The following CNTN6 variants were observed in gnomAD, a reference collection of about 807,000 sequenced individuals.
CNTN6 encodes contactin 6, also known as contactin-6.
A neutral mutation model predicts 122.8 loss-of-function variants in CNTN6; 137 were observed. The ratio of observed to expected loss-of-function variants is 1.12; its 90% confidence interval spans 0.97 to 1.29. CNTN6 has a LOEUF of 1.29. CNTN6 is among the 50% of genes most tolerant of loss of function. The pLI, the probability that CNTN6 is intolerant of heterozygous loss-of-function variation, is 0.00. For missense variants in CNTN6, 1,634 were observed against 1,223.4 expected (o/e 1.34, Z -5.01); for synonymous variants, 570 against 426.0 (o/e 1.34, Z -4.16).
chr3:1,316,082 CAT>C (rs1315970099), intron 7 of CNTN6, among the ~76,000 whole-genome samples: 2 of 152,030 alleles, frequency 1.3e-5, no homozygotes, highest in African/African-American at 2.4e-5. Context: ...AACACTCAAA[CAT>C]ATTGTTTAAT....
intron 4 of CNTN6, among the ~76,000 whole-genome samples, chr3:1,260,651 C>T (rs1428565525): frequency 5.3e-5 from 8 of 152,036 alleles, no homozygotes; most frequent in Admixed American, 5.3e-4. Context: ...TAATCTCCAC[C>T]TGTTGGGGGA....
intron 2 of CNTN6, among the ~76,000 whole-genome samples, chr3:1,164,984 AGGGTATT>A (rs2125263472): frequency 6.6e-6 from 1 of 152,242 alleles, no homozygotes; most frequent in South Asian, 2.1e-4. Context: ...CATGCATTGG[AGGGTATT>A]GGGCTGTAAT....
At chr3:1,165,276 T>C (rs552275719) in intron 2 of CNTN6, among the ~76,000 whole-genome samples, 1 of 152,290 alleles carries the variant, frequency 6.6e-6, no homozygotes, top group African/African-American at 2.4e-5. Context: ...TCATCTAGGC[T>C]GTTGCGGAAG....
At chr3:1,146,277 C>A (rs1412055559) in intron 1 of CNTN6, among the ~76,000 whole-genome samples, 1 of 152,128 alleles carries the variant, frequency 6.6e-6, no homozygotes, top group East Asian at 1.9e-4. Context: ...CCAACCTTGT[C>A]TCATGCCGCA....
chr3:1,127,858 T>TTG (rs746840607), intron 1 of CNTN6, among the ~76,000 whole-genome samples: 235 of 152,028 alleles, frequency 1.5e-3, no homozygotes, highest in Non-Finnish European at 2.5e-3. Flanking sequence ...CTTTTCAATT[T>TTG]TGTGTGTGTG....
chr3:1,219,777 A>AAG, intron 2 of CNTN6, among the ~76,000 whole-genome samples: 1 of 152,292 alleles, frequency 6.6e-6, no homozygotes, highest in South Asian at 2.1e-4. Context: ...GCACATTGGG[A>AAG]GGCTGAGGTG....
intron 12 of CNTN6, among the ~76,000 whole-genome samples, chr3:1,357,708 A>G (rs1042782030): frequency 2.0e-5 from 3 of 151,940 alleles, no homozygotes; most frequent in Non-Finnish European, 2.9e-5. Context: ...GTATAGTAAC[A>G]TGCAGATATT....
chr3:1,252,171 A>G (rs1245741457), intron 4 of CNTN6, among the ~76,000 whole-genome samples: 2 of 152,158 alleles, frequency 1.3e-5, no homozygotes, highest in African/African-American at 4.8e-5. Context: ...AACATTGCCT[A>G]GCTTGCCTTT....
At chr3:1,266,670 C>A (rs2094930732) in intron 4 of CNTN6, among the ~76,000 whole-genome samples, 1 of 152,142 alleles carries the variant, frequency 6.6e-6, no homozygotes, top group Admixed American at 6.5e-5. Context: ...TATGAAGGAC[C>A]ATAGCAGGTA....
At chr3:1,107,403 A>C (rs888623328) in intron 1 of CNTN6, among the ~76,000 whole-genome samples, 2 of 152,146 alleles carry the variant, frequency 1.3e-5, no homozygotes, top group Non-Finnish European at 2.9e-5. Flanking sequence ...CTGAATATTT[A>C]TTCATGGCAA....
intron 10 of CNTN6, among the ~76,000 whole-genome samples, chr3:1,329,270 A>T (rs570198686): frequency 6.6e-6 from 1 of 151,358 alleles, no homozygotes; most frequent in East Asian, 2.0e-4. Context: ...TGTGTTTCTG[A>T]TTTATCATAT....
chr3:1,354,828 A>T (rs1706289583), intron 12 of CNTN6, among the ~76,000 whole-genome samples: 1 of 151,590 alleles, frequency 6.6e-6, no homozygotes, highest in South Asian at 2.1e-4. Flanking sequence ...CATCAAAGAA[A>T]AAAACCAACC....
intron 1 of CNTN6, among the ~76,000 whole-genome samples, chr3:1,102,722 C>T (rs979339650): frequency 1.1e-4 from 17 of 149,584 alleles, no homozygotes; most frequent in African/African-American, 2.2e-4. Context: ...GGCGAGACTC[C>T]GTCTCAAAAA....
In CNTN6 at chr3:1,148,060, G is replaced by A. The variant is rs1484866262; in HGVS notation, c.52G>A (p.Ala18Thr). The change falls in exon 2 of 23, where the codon GCA (alanine) becomes ACA (threonine). Residue 18 changes from alanine (A) to threonine (T), a missense_variant. Ala to Thr is a moderately conservative substitution (Grantham distance 58). Transcript: ENST00000446702. The part of the protein sequence containing the change: ...VILLPLINSS[A>T]GDGLLSRPIF... The stretch of plus-strand genomic sequence containing the variant: ...TCTGCTGCCACTCATAAACTCTTCT[G>A]CAGGTAAAGTGTTCTATTATTATAA... The A allele has an allele frequency of 3.7e-6, 6 of 1,606,178 alleles. No homozygotes were observed.
At chr3:1,319,719 ATAT>A (rs1447497371) in intron 7 of CNTN6, among the ~76,000 whole-genome samples, 1 of 151,572 alleles carries the variant, frequency 6.6e-6, no homozygotes. Flanking sequence ...ATTCAGACAA[ATAT>A]TAGAGCTCTA....
At chr3:1,397,192 C>G (rs1473593341) in intron 20 of CNTN6, among the ~76,000 whole-genome samples, 3 of 151,996 alleles carry the variant, frequency 2.0e-5, no homozygotes, top group African/African-American at 7.3e-5. Context: ...GGCAATTTCT[C>G]TTTTAGAGAA....
intron 11 of CNTN6, 67 bp from the exon 12 acceptor site, chr3:1,352,257 A>T (rs1705754709): frequency 3.7e-6 from 5 of 1,348,728 alleles, no homozygotes; most frequent in Non-Finnish European, 4.9e-6. Flanking sequence ...TTAAAATAAA[A>T]ATAAGCACTT....
At chr3:1,288,942 A>G (rs893345776) in intron 5 of CNTN6, among the ~76,000 whole-genome samples, 4 of 152,320 alleles carry the variant, frequency 2.6e-5, no homozygotes, top group African/African-American at 9.6e-5. Context: ...GTAGAGGACG[A>G]AGTCATTGTG....
intron 2 of CNTN6, among the ~76,000 whole-genome samples, chr3:1,220,401 A>T (rs1033470159): frequency 3.3e-5 from 5 of 152,082 alleles, no homozygotes; most frequent in Non-Finnish European, 5.9e-5. Context: ...GGACCTGAAG[A>T]TTAGCTGCTT....
Sources: gnomAD v4.1 joint callset for allele counts (sites outside exome capture counted in the v4.1 genomes callset) on GRCh38, gnomAD v4.1.1 for gene constraint, MANE v1.5 for transcripts, NCBI Gene and HGNC (gene_info 2026-07-23, HGNC 2026-07-21) for gene names.